THOC2: variants seen among roughly 807,000 people sequenced by gnomAD.
THOC2 encodes the protein THO complex 2.
A neutral mutation model predicts 128.4 loss-of-function variants in THOC2; 10 were observed. That is an observed-to-expected ratio of 0.08 (90% confidence interval 0.05 to 0.13). The LOEUF (loss-of-function observed/expected upper bound fraction) is 0.13. Ranked by LOEUF, THOC2 falls within the 10% of genes least tolerant of loss-of-function variation. The pLI is 1.00. For missense variants in THOC2, 535 were observed against 1,155.7 expected (o/e 0.46, Z 7.79); for synonymous variants, 393 against 396.9 (o/e 0.99, Z 0.12).
At chrX:123,682,966 A>T (rs2049849207) in intron 8 of THOC2, among the ~76,000 whole-genome samples, 1 of 111,324 alleles carries the variant, frequency 9.0e-6, no homozygotes. Flanking sequence ...GTCTTCTGGT[A>T]CCTTCACACT....
chrX:123,714,432 T>C (rs2051321677), intron 1 of THOC2, among the ~76,000 whole-genome samples: 1 of 111,971 alleles, frequency 8.9e-6, no homozygotes, highest in Admixed American at 9.5e-5. Context: ...TTTGAAAATA[T>C]AACAATTATA....
At chrX:123,639,089 C>A in intron 16 of THOC2, 62 bp from the exon 17 acceptor site, 1 of 496,367 alleles carries the variant, frequency 2.0e-6, no homozygotes, top group Non-Finnish European at 3.3e-6. Context: ...ACTGTGCCAA[C>A]TAAGTAATGG....
intron 12 of THOC2, among the ~76,000 whole-genome samples, chrX:123,664,461 C>G (rs897849591): frequency 2.7e-5 from 3 of 112,047 alleles, no homozygotes; most frequent in Non-Finnish European, 5.6e-5. Context: ...ACTCATCTGA[C>G]AAAGGGCTAA....
chrX:123,717,410 GAAAAAT>G (rs1294797256), intron 1 of THOC2, among the ~76,000 whole-genome samples: 3 of 109,195 alleles, frequency 2.7e-5, no homozygotes, highest in African/African-American at 6.7e-5. Flanking sequence ...GGCAAAAAGA[GAAAAAT>G]AAAAATAAAA....
chrX:123,639,242 T>C (rs2047809811), intron 16 of THOC2, among the ~76,000 whole-genome samples: 1 of 111,909 alleles, frequency 8.9e-6, no homozygotes, highest in Admixed American at 9.5e-5. Context: ...GAATATTTTC[T>C]TAGGCTACAT....
intron 22 of THOC2, among the ~76,000 whole-genome samples, chrX:123,631,384 C>T (rs960435648): frequency 1.4e-4 from 16 of 112,308 alleles, no homozygotes; most frequent in African/African-American, 4.8e-4. Context: ...CTGCATAGTG[C>T]TAACAAAGTG....
intron 22 of THOC2, among the ~76,000 whole-genome samples, chrX:123,629,135 A>T (rs1359035278): frequency 9.4e-6 from 1 of 106,829 alleles, no homozygotes; most frequent in African/African-American, 3.4e-5. Context: ...ACACACAAAA[A>T]TATATATATT....
At chrX:123,704,785 G>A (rs1017490412) in intron 3 of THOC2, among the ~76,000 whole-genome samples, 14 of 111,801 alleles carry the variant, frequency 1.3e-4, no homozygotes, top group African/African-American at 3.9e-4. Context: ...TTGAATCTGG[G>A]AGACAGAGGT....
At chrX:123,686,852 T>TGGGAGAGAGGAAG in intron 7 of THOC2, 138 bp from the exon 8 acceptor site, 1 of 476,788 alleles carries the variant, frequency 2.1e-6, no homozygotes, top group Non-Finnish European at 3.4e-6. Flanking sequence ...TTGCTTCCTC[T>TGGGAGAGAGGAAG]CTCCCAGAGG....
At chrX:123,678,876 T>G (rs2049630595) in intron 8 of THOC2, among the ~76,000 whole-genome samples, 1 of 110,903 alleles carries the variant, frequency 9.0e-6, no homozygotes, top group African/African-American at 3.3e-5. Context: ...CAATTAGACT[T>G]CTACAAACTC....
At chrX:123,720,142 T>C (rs1251661646) in intron 1 of THOC2, among the ~76,000 whole-genome samples, 1 of 106,053 alleles carries the variant, frequency 9.4e-6, no homozygotes, top group Non-Finnish European at 1.9e-5. Context: ...TGAGACCTTG[T>C]CTCAAAAAAA....
chrX:123,645,844 C>T (rs1291649606), intron 12 of THOC2, among the ~76,000 whole-genome samples: 5 of 111,356 alleles, frequency 4.5e-5, no homozygotes, highest in Non-Finnish European at 9.4e-5. Context: ...CACCTGTAGT[C>T]CCAGCTACTC....
At chrX:123,648,710 T>G (rs1436867790) in intron 12 of THOC2, among the ~76,000 whole-genome samples, 1 of 110,006 alleles carries the variant, frequency 9.1e-6, no homozygotes, top group Non-Finnish European at 1.9e-5. Context: ...AAGTTCAAAG[T>G]GAGCAGAGCC....
intron 1 of THOC2, among the ~76,000 whole-genome samples, chrX:123,718,989 C>T (rs923925096): frequency 7.3e-5 from 8 of 109,806 alleles, no homozygotes; most frequent in African/African-American, 2.0e-4. Flanking sequence ...TCCTGGCTAA[C>T]ATGGTGAAAC....
chrX:123,638,741 CACACACACACTCTCTCTCTCTCTCACAT>C (rs1272023011), intron 17 of THOC2, among the ~76,000 whole-genome samples, 165 bp downstream of exon 17: 2 of 105,222 alleles, frequency 1.9e-5, no homozygotes, highest in African/African-American at 7.3e-5. Flanking sequence ...CACACACACA[CACACACACACTCTCTCTCTCTCTCACAT>C]ACACACACAC....
Position 123,662,206 on chromosome X carries a change from A to G in THOC2, c.1386+3436T>C, listed in dbSNP as rs758388379. Among the ~76,000 whole-genome samples, 7 of 111,638 alleles carry G rather than the reference A, an allele frequency of 6.3e-5. No homozygotes were observed. In the South Asian group the frequency reaches 2.2e-3, roughly 36 times the overall value. On this transcript the variant is annotated intron_variant, in intron 12 of 38. Transcript: ENST00000245838. ...GTTTTTTTAGTTGTCATGATTCACA[A>G]CTTTAAAGAAACTATGTATAATTCT...
At chrX:123,631,596 C>A (rs892565945) in intron 22 of THOC2, 92 bp downstream of exon 22, 2 of 1,001,399 alleles carry the variant, frequency 2.0e-6, no homozygotes, top group Non-Finnish European at 2.8e-6. Context: ...AAGACCTTCC[C>A]CCAAAATCTG....
chrX:123,651,708 A>C (rs145546323), intron 12 of THOC2, among the ~76,000 whole-genome samples: 2,195 of 109,636 alleles, frequency 0.02, 22 homozygotes, highest in African/African-American at 0.031. Flanking sequence ...GAAATGGATA[A>C]ATTCCTGGAC....
In THOC2 at chrX:123,674,962, A is replaced by G. The variant is rs140609055; in HGVS notation, c.769-3201T>C. ...ATCACACAATATACCCAGGTAACAA[A>G]CCTGCACATGTACCCCGAGTCTAAA... On this transcript the variant is annotated intron_variant, in intron 8 of 38. Coordinates refer to ENST00000245838, the MANE Select transcript of THOC2 (RefSeq NM_001081550.2). 7.2e-3 allele frequency among the ~76,000 whole-genome samples: 798 copies of G among 111,562 alleles called. 12 individuals carry two copies. The highest frequency in any genetic ancestry group is 0.025 in the African/African-American group (761 of 30,743).
Sources: gnomAD v4.1 joint callset for allele counts (sites outside exome capture counted in the v4.1 genomes callset) on GRCh38, gnomAD v4.1.1 for gene constraint, MANE v1.5 for transcripts, NCBI Gene and HGNC (gene_info 2026-07-23, HGNC 2026-07-21) for gene names.